Variants in KDM2B observed in about 807,000 individuals in gnomAD.
The protein encoded by KDM2B is lysine demethylase 2B.
A neutral mutation model predicts 150.0 loss-of-function variants in KDM2B; 26 were observed. The ratio of observed to expected loss-of-function variants is 0.17; its 90% confidence interval spans 0.13 to 0.24. The LOEUF (loss-of-function observed/expected upper bound fraction) is 0.24. Among genes scored for constraint, KDM2B ranks in the 10% least tolerant of loss-of-function variants. The pLI is 1.00. For missense variants in KDM2B, 1,265 were observed against 1,816.9 expected (o/e 0.70, Z 5.52); for synonymous variants, 734 against 729.5 (o/e 1.01, Z -0.10).
intron 8 of KDM2B, among the ~76,000 whole-genome samples, chr12:121,527,511 G>A (rs1280358759): frequency 3.3e-5 from 5 of 150,526 alleles, no homozygotes; most frequent in Non-Finnish European, 7.4e-5. Context: ...AAAGTTAGCC[G>A]GGCATGGTGG....
intron 8 of KDM2B, among the ~76,000 whole-genome samples, chr12:121,525,052 C>T (rs1286324423): frequency 1.3e-5 from 2 of 152,154 alleles, no homozygotes; most frequent in Non-Finnish European, 2.9e-5. Flanking sequence ...GGGCAAGGGA[C>T]ACCTCACAGA....
At chr12:121,542,434 C>T (rs1888681992) in intron 6 of KDM2B, among the ~76,000 whole-genome samples, 2 of 152,252 alleles carry the variant, frequency 1.3e-5, no homozygotes, top group Admixed American at 1.3e-4. Flanking sequence ...CGTAAGCCAC[C>T]ACACATGGCC....
chr12:121,567,405 G>A (rs1890781710), intron 4 of KDM2B, among the ~76,000 whole-genome samples: 1 of 152,158 alleles, frequency 6.6e-6, no homozygotes, highest in African/African-American at 2.4e-5. Context: ...TATGACTGGT[G>A]TCCTTATAAG....
chr12:121,506,927 A>T (rs545142028), intron 11 of KDM2B, among the ~76,000 whole-genome samples: 1 of 144,866 alleles, frequency 6.9e-6, no homozygotes, highest in South Asian at 2.2e-4. Flanking sequence ...CAAGAGTGAA[A>T]CTCCATCTCA....
chr12:121,439,867 G>A lies in KDM2B; in HGVS notation c.3819C>T (p.Ile1273=), dbSNP rs1555287738. The change falls in exon 22 of 23, where the codon ATC becomes ATT. Residue 1273 remains isoleucine, a synonymous_variant. Transcript: ENST00000377071. Reference sequence around the variant, plus strand: ...GGGCCCCTGACTCACCAGACAGGTTGATCTCGGTTAAGGAGTCTCGGGTGG... The same window carrying A: ...GGGCCCCTGACTCACCAGACAGGTTAATCTCGGTTAAGGAGTCTCGGGTGG... ...GTTTRDSLTE[I]NLSDCNKVTD... is the part of the protein sequence containing the mutation. The A allele has an allele frequency of 6.2e-7, 1 of 1,614,078 alleles. No individual in the cohort carries two copies. The highest frequency in any genetic ancestry group is 8.5e-7 in the Non-Finnish European group (1 of 1,179,918).
At chr12:121,441,480 AG>A (rs1463346054) in intron 19 of KDM2B, among the ~76,000 whole-genome samples, 1 of 152,118 alleles carries the variant, frequency 6.6e-6, no homozygotes, top group African/African-American at 2.4e-5. Context: ...CTCTGTTCCC[AG>A]GCTGGTGTGT....
chr12:121,420,799 T>A, the KDM2B span: 2 of 1,579,996 alleles, frequency 1.3e-6, no homozygotes, highest in Non-Finnish European at 1.7e-6. Context: ...CTTTTCATTT[T>A]TTCCCTGTAG....
chr12:121,479,768 C>T (rs964818628), intron 12 of KDM2B, among the ~76,000 whole-genome samples: 3 of 151,102 alleles, frequency 2.0e-5, no homozygotes, highest in Non-Finnish European at 4.4e-5. Flanking sequence ...ATTACAGGCA[C>T]GTGCCACCAC....
chr12:121,580,989 T>A lies in KDM2B; in HGVS notation c.-78A>T. On this transcript the variant is annotated 5_prime_UTR_variant, in exon 1 of 23. Coordinates refer to ENST00000377071, the MANE Select transcript of KDM2B (RefSeq NM_032590.5). ...TATAAGGACTGCCTAACTTTTAAAC[T>A]CCCGGCACTCAAAGATGTGGACACA... The A allele has an allele frequency of 6.5e-7, 1 of 1,545,488 alleles. No individual in the cohort carries two copies.
chr12:121,509,961 T>C lies in KDM2B; in HGVS notation c.1253A>G (p.Gln418Arg), dbSNP rs1885435680. Residue 418 changes from glutamine to arginine, a missense_variant, in exon 11 of 23, where the codon CAG becomes CGG. Gln to Arg is a conservative substitution (Grantham distance 43). This residue lies in a region of KDM2B where 154 missense variants were observed against 162.5 expected (regional missense o/e 0.95). Transcript: ENST00000377071. ...LEMEEEACDQ[Q>R]PQEEEEKDEE... ...GTCCTTCTCCTCCTCCTCCTGAGGC[T>C]GCTGATCACAGGCCTCCTCCTCCAT... The C allele has an allele frequency of 6.2e-7, 1 of 1,609,692 alleles. No individual in the cohort carries two copies. The highest frequency in any genetic ancestry group is 1.7e-5 in the Admixed American group (1 of 59,808).
chr12:121,559,311 G>C (rs1890152705), intron 4 of KDM2B, among the ~76,000 whole-genome samples: 2 of 151,578 alleles, frequency 1.3e-5, no homozygotes, highest in African/African-American at 4.8e-5. Flanking sequence ...AGCTCCCCAG[G>C]TGTCCTGGAA....
chr12:121,452,608 T>C lies in KDM2B; in HGVS notation c.1959+512A>G, dbSNP rs1877483322. 6.6e-6 allele frequency among the ~76,000 whole-genome samples: 1 copy of C among 152,248 alleles called. No individual in the cohort carries two copies. Among genetic ancestry groups the C allele is most frequent in the Non-Finnish European group, 1.5e-5 (1 of 68,034 alleles). On this transcript the variant is annotated intron_variant, in intron 13 of 22. Coordinates refer to ENST00000377071, the MANE Select transcript of KDM2B (RefSeq NM_032590.5). This position sits in a 1 kb window ranked among gnomAD's most constrained non-coding sequence, Gnocchi z 4.4. ...CGACCTCGCCCCGTTGCGAAGTCCATGTCCACTGCCCTGTCTGGGGACGAG... is the reference window on the plus strand; with the variant it reads ...CGACCTCGCCCCGTTGCGAAGTCCACGTCCACTGCCCTGTCTGGGGACGAG...
chr12:121,558,900 G>A (rs1297795720), intron 4 of KDM2B, among the ~76,000 whole-genome samples: 1 of 152,098 alleles, frequency 6.6e-6, no homozygotes, highest in Non-Finnish European at 1.5e-5. Flanking sequence ...CTCCTTTTCT[G>A]AGGAATAACC....
At chr12:121,516,891 G>GAA (rs781898688) in intron 9 of KDM2B, 95 of 493,936 alleles carry the variant, frequency 1.9e-4, no homozygotes, top group South Asian at 3.2e-4. Flanking sequence ...AAAATCAATG[G>GAA]AAAAAAAAAA....
intron 4 of KDM2B, among the ~76,000 whole-genome samples, chr12:121,558,973 A>G (rs1356893361): frequency 1.3e-5 from 2 of 152,088 alleles, no homozygotes; most frequent in Admixed American, 6.6e-5. Flanking sequence ...GGCCTCCGCT[A>G]CTTTGCAGCT....
At chr12:121,499,202 C>T (rs747039657) in intron 11 of KDM2B, among the ~76,000 whole-genome samples, 9 of 151,414 alleles carry the variant, frequency 5.9e-5, no homozygotes, top group Non-Finnish European at 1.3e-4. Context: ...CCTCTACCTC[C>T]CCAGTTCCAC....
chr12:121,446,143 C>G (rs1013080014), intron 13 of KDM2B, among the ~76,000 whole-genome samples: 8 of 152,182 alleles, frequency 5.3e-5, no homozygotes, highest in African/African-American at 1.9e-4. Flanking sequence ...CGCCTGTAAT[C>G]CCAGCACTTT....
At chr12:121,569,681 C>G (rs1890951544) in intron 4 of KDM2B, among the ~76,000 whole-genome samples, 1 of 152,132 alleles carries the variant, frequency 6.6e-6, no homozygotes, top group Admixed American at 6.5e-5. Flanking sequence ...TAATAATTCC[C>G]CAGGCCAACT....
intron 19 of KDM2B, among the ~76,000 whole-genome samples, chr12:121,441,764 AC>A (rs1229753846): frequency 6.6e-6 from 1 of 152,120 alleles, no homozygotes; most frequent in Non-Finnish European, 1.5e-5. Flanking sequence ...AACGCCCTCT[AC>A]CGGCCGTTCC....
Sources: gnomAD v4.1 joint callset for allele counts (sites outside exome capture counted in the v4.1 genomes callset) on GRCh38, gnomAD v4.1.1 for gene constraint, gnomAD v4.1.1 regional missense constraint, Gnocchi (gnomAD v3.1) non-coding constraint, MANE v1.5 for transcripts, NCBI Gene and HGNC (gene_info 2026-07-23, HGNC 2026-07-21) for gene names.